Variants in KLF13 observed in about 807,000 individuals in gnomAD.
The protein encoded by KLF13 is KLF transcription factor 13.
In KLF13, 8 loss-of-function variants were observed where a neutral mutation model predicts 16.7. The observed-to-expected ratio is 0.48, with a 90% confidence interval of 0.28 to 0.87. The LOEUF is 0.87. KLF13 is among the 40% of genes least tolerant of loss of function. The pLI is 0.10. For synonymous variants in KLF13, 245 were observed against 208.4 expected (o/e 1.18, Z -1.51); for missense variants, 447 against 452.2 (o/e 0.99, Z 0.10).
chr15:31,372,462 C>A lies in KLF13; in HGVS notation c.*163C>A, dbSNP rs556982223. The A allele has an allele frequency of 1.3e-6, 1 of 787,158 alleles. No homozygotes were observed. The highest frequency in any genetic ancestry group is 1.9e-6 in the Non-Finnish European group (1 of 538,292). 48.8% of individuals were successfully genotyped at this position (787,158 alleles called of 1,614,324 possible). ...ATTTGTTAAAAAAACAAAAAAAACA[C>A]AAAAATTTCAAAAAACACCACCCAC... On this transcript the variant is annotated 3_prime_UTR_variant, in exon 2 of 2. Coordinates refer to ENST00000307145, the MANE Select transcript of KLF13 (RefSeq NM_015995.4).
chr15:31,396,066 C>T (rs1036390173), intron 2 of KLF13, among the ~76,000 whole-genome samples: 1 of 152,106 alleles, frequency 6.6e-6, no homozygotes, highest in Non-Finnish European at 1.5e-5. Flanking sequence ...GCTCTTGTTT[C>T]CCATGCTGGA....
At chr15:31,344,469 C>T (rs1382363007) in intron 1 of KLF13, among the ~76,000 whole-genome samples, 2 of 152,238 alleles carry the variant, frequency 1.3e-5, no homozygotes, top group Admixed American at 6.5e-5. Context: ...AAGCTTGGCT[C>T]CTCAGTGCCT....
intron 1 of KLF13, chr15:31,420,073 A>G: frequency 2.8e-6 from 1 of 355,146 alleles, no homozygotes; most frequent in South Asian, 2.4e-5. Context: ...TTTGTCAACC[A>G]AGAATATTAT....
At chr15:31,350,209 T>C (rs917211342) in intron 1 of KLF13, among the ~76,000 whole-genome samples, 24 of 152,188 alleles carry the variant, frequency 1.6e-4, no homozygotes, top group African/African-American at 5.5e-4. Flanking sequence ...TGGTAGGATA[T>C]TGGGCATCCT....
chr15:31,332,756 C>T (rs1195405146), intron 1 of KLF13, among the ~76,000 whole-genome samples: 1 of 152,150 alleles, frequency 6.6e-6, no homozygotes, highest in Non-Finnish European at 1.5e-5. Flanking sequence ...TGGGGAAGGG[C>T]AAAAGACATG....
chr15:31,341,537 C>CT (rs34870652), intron 1 of KLF13, among the ~76,000 whole-genome samples: 33,603 of 121,420 alleles, frequency 0.28, 5,178 homozygotes, highest in East Asian at 0.45. Flanking sequence ...CAATTCAGAA[C>CT]TTTTTTTTTT....
chr15:31,328,376 C>T (rs566678160), intron 1 of KLF13, among the ~76,000 whole-genome samples: 1 of 152,136 alleles, frequency 6.6e-6, no homozygotes, highest in South Asian at 2.1e-4. Flanking sequence ...TTTAATTTGT[C>T]GTAACCAAAG....
At chr15:31,423,537 C>G (rs2040369437) in intron 1 of KLF13, among the ~76,000 whole-genome samples, 1 of 151,956 alleles carries the variant, frequency 6.6e-6, no homozygotes, top group Non-Finnish European at 1.5e-5. Context: ...GAGGCTGAGG[C>G]AGGAGAATGG....
intron 1 of KLF13, among the ~76,000 whole-genome samples, chr15:31,331,266 C>T (rs1485423742): frequency 6.6e-6 from 1 of 152,196 alleles, no homozygotes; most frequent in Non-Finnish European, 1.5e-5. Flanking sequence ...AGCCTTCCCT[C>T]CTGCAGAACC....
intron 1 of KLF13, among the ~76,000 whole-genome samples, chr15:31,328,364 G>A (rs879850213): frequency 2.0e-5 from 3 of 151,946 alleles, no homozygotes; most frequent in Non-Finnish European, 2.9e-5. Flanking sequence ...AGCGCTCTAA[G>A]GTTTAATTTG....
intron 1 of KLF13, among the ~76,000 whole-genome samples, chr15:31,337,512 G>C (rs767637139): frequency 6.6e-6 from 1 of 152,064 alleles, no homozygotes; most frequent in Non-Finnish European, 1.5e-5. Flanking sequence ...GGTGCGTTCT[G>C]AGAAGTGTGT....
At chr15:31,413,736 T>G (rs780735060) in intron 1 of KLF13, among the ~76,000 whole-genome samples, 2 of 152,204 alleles carry the variant, frequency 1.3e-5, no homozygotes, top group Non-Finnish European at 2.9e-5. Flanking sequence ...CTAAAAAAAA[T>G]TCTTCAGGTT....
intron 1 of KLF13, among the ~76,000 whole-genome samples, chr15:31,371,641 C>A (rs1401267701): frequency 6.6e-6 from 1 of 152,348 alleles, no homozygotes; most frequent in Admixed American, 6.5e-5. Flanking sequence ...GGCCTGCAAC[C>A]CCCAGGCGTT....
At position 31,372,108 on chromosome 15, in the gene KLF13, A is replaced by T; in HGVS notation, c.676A>T (p.Lys226Ter). The change falls in exon 2 of 2, where the codon AAG becomes TAG. Residue 226 changes from lysine to a stop codon, truncating the protein, a stop_gained. Transcript: ENST00000307145. LOFTEE classifies it high-confidence loss of function. ...CTACCGCACACACACGGGCGAGAAG[A>T]AGTTCAGCTGCCCCATCTGCGAGAA... Reference protein sequence around the residue: ...RHYRTHTGEKKFSCPICEKRF... With the variant: ...RHYRTHTGEK The T allele has an allele frequency of 1.2e-6, 2 of 1,613,088 alleles. No individual in the cohort carries two copies. The highest frequency in any genetic ancestry group is 1.7e-6 in the Non-Finnish European group (2 of 1,179,980).
downstream of KLF13, among the ~76,000 whole-genome samples, chr15:31,405,621 G>A (rs2040117936): frequency 1.3e-5 from 2 of 152,198 alleles, no homozygotes; most frequent in Non-Finnish European, 2.9e-5. Flanking sequence ...AAAGCCTTCG[G>A]TAGTTTGGTC....
At chr15:31,423,179 A>ATATACGTATATATACGTATATG (rs2040365272) in intron 1 of KLF13, among the ~76,000 whole-genome samples, 5 of 118,114 alleles carry the variant, frequency 4.2e-5, no homozygotes, top group Admixed American at 8.4e-5. Context: ...ATATATACAT[A>ATATACGTATATATACGTATATG]TATACGTATA....
chr15:31,399,206 T>A (rs1391104846), intron 2 of KLF13, among the ~76,000 whole-genome samples: 2 of 152,196 alleles, frequency 1.3e-5, no homozygotes, highest in Non-Finnish European at 2.9e-5. Flanking sequence ...GGGAATTGCA[T>A]CCCTGAGTTT....
chr15:31,400,912 A>G (rs1595499968), intron 2 of KLF13, among the ~76,000 whole-genome samples: 1 of 152,180 alleles, frequency 6.6e-6, no homozygotes, highest in African/African-American at 2.4e-5. Context: ...GGGTTTGAGC[A>G]CCTGGAAGCG....
intron 1 of KLF13, chr15:31,420,644 C>T (rs1427002787): frequency 5.2e-6 from 2 of 387,470 alleles, no homozygotes; most frequent in African/African-American, 2.1e-5. Flanking sequence ...AAGCAGGTTA[C>T]CAGCCAGGAC....
Sources: allele counts gnomAD v4.1 joint callset (sites outside exome capture counted in the v4.1 genomes callset), GRCh38; gene constraint gnomAD v4.1.1; transcripts MANE v1.5; gene names NCBI Gene and HGNC (gene_info 2026-07-23, HGNC 2026-07-21).